Variants in HERC3 observed in about 807,000 individuals in gnomAD.
HERC3 encodes the protein HECT and RLD domain containing E3 ubiquitin protein ligase 3.
In HERC3, 58 loss-of-function variants were observed where a neutral mutation model predicts 129.9. That is an observed-to-expected ratio of 0.45 (90% CI 0.36 to 0.56). The LOEUF (loss-of-function observed/expected upper bound fraction) is 0.56. HERC3 is among the 20% of genes least tolerant of loss of function. HERC3 has a pLI of 0.00. For missense variants in HERC3, 835 were observed against 1,244.2 expected (o/e 0.67, Z 4.95); for synonymous variants, 430 against 451.0 (o/e 0.95, Z 0.59).
chr4:88,602,907 C>G (rs1306842290), intron 2 of HERC3, among the ~76,000 whole-genome samples: 1 of 152,170 alleles, frequency 6.6e-6, no homozygotes, highest in African/African-American at 2.4e-5. Context: ...TCTTATCATG[C>G]CTCATCCAAA....
At chr4:88,639,891 A>C (rs965845068) in intron 3 of HERC3, among the ~76,000 whole-genome samples, 1 of 152,158 alleles carries the variant, frequency 6.6e-6, no homozygotes, top group Admixed American at 6.5e-5. Flanking sequence ...TTACAAGAAA[A>C]AAAAAACCCC....
At chr4:88,592,420 C>T (rs1203992652), upstream of HERC3, 1 of 152,326 alleles carries the variant, frequency 6.6e-6, no homozygotes, top group Non-Finnish European at 1.5e-5. Context: ...CGCCCATTGG[C>T]CCGGTGCGAA....
the HERC3 span, among the ~76,000 whole-genome samples, chr4:88,535,938 G>A: frequency 1.2e-4 from 19 of 152,316 alleles, no homozygotes; most frequent in African/African-American, 4.3e-4. Context: ...AGATGGGAGT[G>A]CATCCAATTC....
the HERC3 span, among the ~76,000 whole-genome samples, chr4:88,547,420 C>T: frequency 2.6e-5 from 4 of 152,090 alleles, no homozygotes; most frequent in South Asian, 4.1e-4. Flanking sequence ...TTAGTATATT[C>T]GGAGTTGCAC....
intron 1 of HERC3, among the ~76,000 whole-genome samples, chr4:88,594,040 G>A (rs1722060987): frequency 6.6e-6 from 1 of 152,128 alleles, no homozygotes; most frequent in Admixed American, 6.5e-5. Context: ...GGAACAAGGA[G>A]GACAGGTTAG....
At chr4:88,526,738 G>GC in the HERC3 span, among the ~76,000 whole-genome samples, 6 of 152,120 alleles carry the variant, frequency 3.9e-5, no homozygotes, top group African/African-American at 1.4e-4. Flanking sequence ...GTTTCATGTT[G>GC]CCCAGGCTGG....
At chr4:88,617,250 G>T (rs1257008998) in intron 3 of HERC3, among the ~76,000 whole-genome samples, 1 of 148,730 alleles carries the variant, frequency 6.7e-6, no homozygotes, top group East Asian at 2.0e-4. Context: ...ATCTCAGCCT[G>T]TTGACTCTTT....
At chr4:88,534,890 A>T in the HERC3 span, among the ~76,000 whole-genome samples, 1 of 152,320 alleles carries the variant, frequency 6.6e-6, no homozygotes. Context: ...ATAGTGTAAA[A>T]GGAAATGAAC....
the HERC3 span, among the ~76,000 whole-genome samples, chr4:88,565,872 T>A: frequency 6.6e-6 from 1 of 152,310 alleles, no homozygotes; most frequent in African/African-American, 2.4e-5. Flanking sequence ...TCTGTCTTCC[T>A]TTTAGTGAAG....
At chr4:88,533,477 G>A in the HERC3 span, among the ~76,000 whole-genome samples, 4 of 152,160 alleles carry the variant, frequency 2.6e-5, no homozygotes, top group Non-Finnish European at 4.4e-5. Flanking sequence ...GATAAAAGGA[G>A]GCAAAACGAT....
chr4:88,609,877 G>C (rs1724097463), intron 3 of HERC3, among the ~76,000 whole-genome samples: 1 of 152,170 alleles, frequency 6.6e-6, no homozygotes, highest in Non-Finnish European at 1.5e-5. Context: ...TCTGCTGATT[G>C]CATATTTTTA....
chr4:88,597,907 G>A (rs963234620), intron 2 of HERC3: 1 of 152,214 alleles, frequency 6.6e-6, no homozygotes, highest in African/African-American at 2.4e-5. Context: ...GAACATTTTT[G>A]ATAATAAGGC....
chr4:88,601,485 C>T (rs535313730), intron 2 of HERC3, among the ~76,000 whole-genome samples: 1 of 152,308 alleles, frequency 6.6e-6, no homozygotes, highest in South Asian at 2.1e-4. Context: ...AATTAGCTGT[C>T]TCCTTCATAT....
chr4:88,705,514 A>G (rs953587980), intron 25 of HERC3, among the ~76,000 whole-genome samples: 13 of 152,216 alleles, frequency 8.5e-5, no homozygotes, highest in Middle Eastern at 3.2e-3. Flanking sequence ...TTCTGTCTCT[A>G]TGGATTTGCC....
At chr4:88,573,085 C>T in the HERC3 span, among the ~76,000 whole-genome samples, 1 of 152,164 alleles carries the variant, frequency 6.6e-6, no homozygotes, top group Non-Finnish European at 1.5e-5. Context: ...AAGTGTTGCA[C>T]TTCTCTAGAG....
intron 21 of HERC3, 30 bp from the exon 22 acceptor site, chr4:88,686,706 A>G: frequency 6.6e-7 from 1 of 1,504,324 alleles, no homozygotes; most frequent in Non-Finnish European, 9.3e-7. Flanking sequence ...CTGACTTGCC[A>G]CTTTTCCTTT....
the HERC3 span, among the ~76,000 whole-genome samples, chr4:88,550,226 G>A: frequency 6.6e-6 from 1 of 152,180 alleles, no homozygotes; most frequent in African/African-American, 2.4e-5. Flanking sequence ...CCTGGCACAA[G>A]ACAGGGATGC....
intron 14 of HERC3, among the ~76,000 whole-genome samples, chr4:88,668,872 A>G (rs1391671587): frequency 6.6e-6 from 1 of 152,194 alleles, no homozygotes; most frequent in Admixed American, 6.5e-5. Flanking sequence ...AAAAACAGAA[A>G]TAATAATGAA....
In HERC3 at chr4:88,653,009, A is replaced by G. The variant is rs1270686699; in HGVS notation, c.604A>G (p.Ser202Gly). 1 of 1,614,228 alleles carries G rather than the reference A, an allele frequency of 6.2e-7. No homozygotes were observed. Among genetic ancestry groups the G allele is most frequent in the Non-Finnish European group, 8.5e-7 (1 of 1,180,036 alleles). The change falls in exon 6 of 26, where the codon AGC (serine) becomes GGC (glycine). Residue 202 changes from serine to glycine, a missense_variant. Ser to Gly is a moderately conservative substitution (Grantham distance 56). Transcript: ENST00000402738. ...TCAGGTGGCTGCCGGAGGGGCTCAC[A>G]GCTTTGCCCTGTCTCTCTCAGGAGC... is the stretch of plus-strand genomic sequence containing the variant. ...LAQVAAGGAH[S>G]FALSLSGAVF... is the part of the protein sequence containing the mutation.
Sources: allele counts gnomAD v4.1 joint callset (sites outside exome capture counted in the v4.1 genomes callset), GRCh38; gene constraint gnomAD v4.1.1; transcripts MANE v1.5; gene names NCBI Gene and HGNC (gene_info 2026-07-23, HGNC 2026-07-21).